DPP6: variants seen among roughly 807,000 people sequenced by gnomAD.
DPP6 encodes dipeptidyl peptidase like 6.
Under a neutral mutation model 122.6 loss-of-function variants are expected in DPP6, and 69 were observed. That is an observed-to-expected ratio of 0.56 (90% CI 0.46 to 0.69). DPP6 has a LOEUF of 0.69. Among genes scored for constraint, DPP6 ranks in the 30% least tolerant of loss-of-function variants. The probability of loss-of-function intolerance (pLI) is 0.00; values close to 1 mark genes in which losing one functional copy is unlikely to be tolerated. For synonymous variants in DPP6, 418 were observed against 433.1 expected (o/e 0.97, Z 0.43); for missense variants, 928 against 1,116.9 (o/e 0.83, Z 2.41).
intron 7 of DPP6, among the ~76,000 whole-genome samples, chr7:154,688,359 T>G (rs965206498): frequency 6.6e-6 from 1 of 152,216 alleles, no homozygotes; most frequent in Non-Finnish European, 1.5e-5. Flanking sequence ...TCTCCATAAA[T>G]TTTTATAATT....
At chr7:154,753,991 G>T (rs748104490) in intron 8 of DPP6, among the ~76,000 whole-genome samples, 11 of 152,040 alleles carry the variant, frequency 7.2e-5, no homozygotes, top group South Asian at 2.1e-4. Context: ...ATATAGTTGG[G>T]CAGAGAAACT....
At chr7:153,781,795 A>G in the DPP6 span, among the ~76,000 whole-genome samples, 1 of 152,086 alleles carries the variant, frequency 6.6e-6, no homozygotes, top group African/African-American at 2.4e-5. Context: ...TTATATAGAA[A>G]AAGATGACAC....
At chr7:153,807,542 G>C in the DPP6 span, among the ~76,000 whole-genome samples, 1 of 151,830 alleles carries the variant, frequency 6.6e-6, no homozygotes, top group Non-Finnish European at 1.5e-5. Context: ...TGTCCAGGGT[G>C]AGTCCCCCAA....
intron 1 of DPP6, among the ~76,000 whole-genome samples, chr7:154,085,257 T>G (rs1272005540): frequency 6.6e-6 from 1 of 152,196 alleles, no homozygotes; most frequent in Non-Finnish European, 1.5e-5. Context: ...ATTCTCAACT[T>G]CTTTTCCATC....
In DPP6 at chr7:154,669,438, G is replaced by T; in HGVS notation, c.759G>T (p.Gln253His). ...CAGGATGGGGCCCTAAAGGCCAACA[G>T]CTGGTAAGCCAATCAAGTTCAGTAA... ...QYAGWGPKGQQLIFIFENNIY... is the reference protein window; with the variant it reads ...QYAGWGPKGQHLIFIFENNIY... The change falls in exon 7 of 26, where the codon CAG becomes CAT. Residue 253 changes from glutamine to histidine, a missense_variant. Transcript: ENST00000377770. 1 of 1,552,972 alleles carries T rather than the reference G, an allele frequency of 6.4e-7. No homozygotes were observed. The highest frequency in any genetic ancestry group is 8.7e-7 in the Non-Finnish European group (1 of 1,147,910).
intron 1 of DPP6, among the ~76,000 whole-genome samples, chr7:153,989,084 G>A (rs376235402): frequency 6.7e-6 from 1 of 150,064 alleles, no homozygotes; most frequent in African/African-American, 2.4e-5. Flanking sequence ...CAGCGCCCGC[G>A]AGGTGCTGCT....
chr7:153,877,805 G>A, the DPP6 span, among the ~76,000 whole-genome samples: 2 of 152,000 alleles, frequency 1.3e-5, no homozygotes, highest in African/African-American at 4.8e-5. Context: ...TATTCCAAAT[G>A]AAAAAGAACA....
At position 154,147,446 on chromosome 7, in the gene DPP6, T is replaced by TTTCCTTCCTTCCTTCCTTCC. The variant is rs200682495; in HGVS notation, c.243+94410_243+94429dup. 1.4e-3 allele frequency among the ~76,000 whole-genome samples: 201 copies of TTTCCTTCCTTCCTTCCTTCC among 143,068 alleles called. 2 individuals carry two copies. Among genetic ancestry groups the TTTCCTTCCTTCCTTCCTTCC allele is most frequent in the African/African-American group, 4.9e-3 (184 of 37,718 alleles). 93.9% of individuals were successfully genotyped at this position (143,068 alleles called of 152,430 possible). A position where few individuals can be genotyped will look rare whatever the true frequency, so the allele number is the denominator to read the frequency against. On this transcript the variant is annotated intron_variant, in intron 1 of 25. Coordinates refer to ENST00000377770, the MANE Select transcript of DPP6 (RefSeq NM_130797.4). ...GGAGGTTTTACTTTCACTTTATTCA[T>TTTCCTTCCTTCCTTCCTTCC]TTCCTTCCTTCCTTCCTTCCTTCCT...
chr7:154,697,303 C>T (rs558098458), intron 7 of DPP6, among the ~76,000 whole-genome samples: 2 of 152,338 alleles, frequency 1.3e-5, no homozygotes, highest in East Asian at 3.9e-4. Context: ...ATGACCGGAA[C>T]CCCAGAACCT....
intron 1 of DPP6, among the ~76,000 whole-genome samples, chr7:154,103,268 G>T (rs925140781): frequency 2.6e-5 from 4 of 152,174 alleles, no homozygotes; most frequent in African/African-American, 9.7e-5. Flanking sequence ...ATTGCAGGAA[G>T]CGACTCCATT....
At chr7:154,743,438 A>C (rs1375846982) in intron 8 of DPP6, among the ~76,000 whole-genome samples, 1 of 152,194 alleles carries the variant, frequency 6.6e-6, no homozygotes, top group Non-Finnish European at 1.5e-5. Context: ...CGATTTTCCA[A>C]AGCACATAAT....
At chr7:153,950,448 A>G (rs1802157943) in intron 1 of DPP6, among the ~76,000 whole-genome samples, 1 of 152,186 alleles carries the variant, frequency 6.6e-6, no homozygotes, top group Admixed American at 6.5e-5. Flanking sequence ...ATGAGGAGGT[A>G]TGACATAAGT....
intron 1 of DPP6, among the ~76,000 whole-genome samples, chr7:154,030,773 C>G (rs1239675119): frequency 2.0e-5 from 3 of 152,140 alleles, no homozygotes; most frequent in Non-Finnish European, 2.9e-5. Flanking sequence ...AACCTTCCCC[C>G]CAGAAGTCCC....
intron 1 of DPP6, among the ~76,000 whole-genome samples, chr7:153,977,198 G>GTGT (rs1554424794): frequency 6.7e-6 from 1 of 149,630 alleles, no homozygotes; most frequent in African/African-American, 2.5e-5. Flanking sequence ...TACCAATAGG[G>GTGT]GTGTGTGTGT....
At chr7:154,412,798 C>T (rs1816718527) in intron 1 of DPP6, among the ~76,000 whole-genome samples, 2 of 152,200 alleles carry the variant, frequency 1.3e-5, no homozygotes. Context: ...TGGCCTCTGC[C>T]CTGCCCAGGG....
At chr7:154,636,997 C>A (rs567619801) in intron 5 of DPP6, among the ~76,000 whole-genome samples, 1 of 152,334 alleles carries the variant, frequency 6.6e-6, no homozygotes, top group South Asian at 2.1e-4. Context: ...TTCAACGCAA[C>A]AGAGTAACCC....
intron 1 of DPP6, among the ~76,000 whole-genome samples, chr7:154,318,806 C>A (rs1330686599): frequency 3.3e-5 from 5 of 152,172 alleles, no homozygotes; most frequent in African/African-American, 1.2e-4. Context: ...CCACCCCCCC[C>A]AAGCCATGGC....
Position 154,863,779 on chromosome 7 carries a change from C to T in DPP6, c.1715-4216C>T, listed in dbSNP as rs953334896. Among the ~76,000 whole-genome samples, 1 of 152,138 alleles carries T rather than the reference C, an allele frequency of 6.6e-6. No individual in the cohort carries two copies. Among genetic ancestry groups the T allele is most frequent in the Non-Finnish European group, 1.5e-5 (1 of 68,018 alleles). On this transcript the variant is annotated intron_variant, in intron 17 of 25. Coordinates refer to ENST00000377770, the MANE Select transcript of DPP6 (RefSeq NM_130797.4). This position sits in a 1 kb window ranked among gnomAD's most constrained non-coding sequence, Gnocchi z 4.1. ...GCAGTGAGTTATGATTTCACCACTG[C>T]ACTCCAACCTGGCTGCAAGACCCTG...
intron 1 of DPP6, among the ~76,000 whole-genome samples, chr7:154,270,928 C>T (rs1331708804): frequency 6.6e-6 from 1 of 152,148 alleles, no homozygotes; most frequent in Admixed American, 6.5e-5. Flanking sequence ...CCGTGTGGGT[C>T]AACTCTCCTT....
Sources: gnomAD v4.1 joint callset for allele counts (sites outside exome capture counted in the v4.1 genomes callset) on GRCh38, gnomAD v4.1.1 for gene constraint, Gnocchi (gnomAD v3.1) non-coding constraint, MANE v1.5 for transcripts, NCBI Gene and HGNC (gene_info 2026-07-23, HGNC 2026-07-21) for gene names.